Variants in CNIH3 observed in about 807,000 individuals in gnomAD.
CNIH3 encodes cornichon family AMPA receptor auxiliary protein 3.
In CNIH3, 14 loss-of-function variants were observed where a neutral mutation model predicts 24.1. The ratio of observed to expected loss-of-function variants is 0.58; its 90% CI spans 0.38 to 0.91. The LOEUF (loss-of-function observed/expected upper bound fraction) is 0.91. Among genes scored for constraint, CNIH3 ranks in the 40% least tolerant of loss-of-function variants. The pLI, the probability that CNIH3 is intolerant of heterozygous loss-of-function variation, is 0.00. For missense variants in CNIH3, 178 were observed against 196.8 expected, an observed-to-expected ratio of 0.90 and a Z score of 0.57; for synonymous variants, 68 against 73.8, an observed-to-expected ratio of 0.92 and a Z score of 0.40.
At chr1:224,495,147 C>T (rs1166129434) in intron 1 of CNIH3, among the ~76,000 whole-genome samples, 3 of 152,132 alleles carry the variant, frequency 2.0e-5, no homozygotes, top group African/African-American at 7.2e-5. Context: ...TTCCTGAGAC[C>T]CCTACCTGAG....
At chr1:224,647,532 G>C (rs1380302389) in intron 1 of CNIH3, among the ~76,000 whole-genome samples, 1 of 152,222 alleles carries the variant, frequency 6.6e-6, no homozygotes, top group Non-Finnish European at 1.5e-5. Context: ...ACTGGGTTCT[G>C]TGTGGCCAAG....
At chr1:224,599,199 G>A (rs147667070) in intron 3 of CNIH3, among the ~76,000 whole-genome samples, 673 of 152,302 alleles carry the variant, frequency 4.4e-3, no homozygotes, top group Non-Finnish European at 6.7e-3. Context: ...AATGGGCTCA[G>A]CTGGGCACTT....
At chr1:224,500,898 G>C (rs1332994533) in intron 1 of CNIH3, among the ~76,000 whole-genome samples, 1 of 152,076 alleles carries the variant, frequency 6.6e-6, no homozygotes, top group African/African-American at 2.4e-5. Flanking sequence ...TGGAAGAAGG[G>C]GGGCTGGAAC....
intron 1 of CNIH3, among the ~76,000 whole-genome samples, chr1:224,662,292 G>A (rs1464400575): frequency 6.6e-6 from 1 of 152,108 alleles, no homozygotes; most frequent in African/African-American, 2.4e-5. Context: ...TGAGATATTA[G>A]ACAGAGCTAG....
chr1:224,550,810 G>A (rs971588470), intron 3 of CNIH3, among the ~76,000 whole-genome samples: 4 of 151,642 alleles, frequency 2.6e-5, no homozygotes, highest in Admixed American at 6.6e-5. Context: ...CCATTAACTC[G>A]TCATTTAACA....
chr1:224,608,765 C>T (rs1048987317), intron 3 of CNIH3, among the ~76,000 whole-genome samples: 3 of 152,170 alleles, frequency 2.0e-5, no homozygotes, highest in Non-Finnish European at 4.4e-5. Flanking sequence ...TGATGCTTCC[C>T]TTGGGGTGGG....
At chr1:224,585,818 C>T (rs1374026679) in intron 5 of CNIH3, among the ~76,000 whole-genome samples, 1 of 152,096 alleles carries the variant, frequency 6.6e-6, no homozygotes, top group Non-Finnish European at 1.5e-5. Context: ...CCAGTTCCTG[C>T]ACATACACAT....
At chr1:224,536,099 T>A (rs1248188667) in intron 2 of CNIH3, among the ~76,000 whole-genome samples, 1 of 152,016 alleles carries the variant, frequency 6.6e-6, no homozygotes, top group Non-Finnish European at 1.5e-5. Flanking sequence ...GGGATGAGGA[T>A]GGGAAATGTG....
chr1:224,577,506 A>T (rs1350842871), intron 4 of CNIH3, among the ~76,000 whole-genome samples: 1 of 152,220 alleles, frequency 6.6e-6, no homozygotes, highest in East Asian at 1.9e-4. Context: ...TCACAATGTG[A>T]CACCAACTTA....
chr1:224,730,625 C>A, intron 4 of CNIH3, 51 bp downstream of exon 4: 1 of 1,148,166 alleles, frequency 8.7e-7, no homozygotes, highest in Non-Finnish European at 1.3e-6. Flanking sequence ...CCAGGGCAGC[C>A]TGCTCTCCAG....
Position 224,534,115 on chromosome 1 carries a change from T to G in CNIH3, n.344-2821T>G, listed in dbSNP as rs182672902. Among the ~76,000 whole-genome samples the G allele has an allele frequency of 3.1e-4, 47 of 152,320 alleles. 1 individual carries two copies. In the East Asian group the frequency reaches 8.9e-3, roughly 29 times the overall value. ...CGGAGGTTGAGGCTTCAGTGAGCCATGATCATGCCACTGCACTCTAGCCTG... is the reference window on the plus strand; with the variant it reads ...CGGAGGTTGAGGCTTCAGTGAGCCAGGATCATGCCACTGCACTCTAGCCTG... On this transcript the variant is annotated intron_variant and non_coding_transcript_variant, in intron 2 of 2. Transcript: ENST00000470602.
chr1:224,570,580 T>C (rs1680775187), intron 4 of CNIH3, among the ~76,000 whole-genome samples: 1 of 152,274 alleles, frequency 6.6e-6, no homozygotes, highest in African/African-American at 2.4e-5. Flanking sequence ...TTATGTATTT[T>C]GATACTACCT....
At chr1:224,452,541 G>T (rs1279256844) in intron 1 of CNIH3, among the ~76,000 whole-genome samples, 1 of 151,794 alleles carries the variant, frequency 6.6e-6, no homozygotes, top group African/African-American at 2.4e-5. Flanking sequence ...CAGCACTTTG[G>T]GAGGCCAAGG....
At position 224,653,664 on chromosome 1, in the gene CNIH3, C is replaced by T. The variant is rs542227326; in HGVS notation, c.82-27294C>T. 2.5e-4 allele frequency among the ~76,000 whole-genome samples: 38 copies of T among 152,298 alleles called. 1 individual carries two copies. In the South Asian group the frequency reaches 7.7e-3, roughly 31 times the overall value. Reference sequence around the variant, plus strand: ...TAGTATTCACTCTGTGAACTGGTGACGCTGTACAAACTCAATATAAATTCT... The same window carrying T: ...TAGTATTCACTCTGTGAACTGGTGATGCTGTACAAACTCAATATAAATTCT... On this transcript the variant is annotated intron_variant, in intron 1 of 5. Transcript: ENST00000272133.
chr1:224,555,201 C>T (rs1466233589), intron 3 of CNIH3, among the ~76,000 whole-genome samples: 1 of 152,146 alleles, frequency 6.6e-6, no homozygotes, highest in Non-Finnish European at 1.5e-5. Flanking sequence ...AGCCACTTGC[C>T]CCAGGACACA....
intron 1 of CNIH3, among the ~76,000 whole-genome samples, chr1:224,674,529 C>T (rs754405881): frequency 6.0e-4 from 91 of 152,070 alleles, no homozygotes; most frequent in Non-Finnish European, 2.9e-4. Context: ...GGGCAGGCCC[C>T]AGCAGGACTG....
At chr1:224,699,077 G>A (rs16852090) in intron 3 of CNIH3, among the ~76,000 whole-genome samples, 6,194 of 152,232 alleles carry the variant, frequency 0.041, 189 homozygotes, top group East Asian at 0.11. Context: ...TTGAAGACAC[G>A]TTTCCCTACT....
In CNIH3 at chr1:224,641,308, C is replaced by T. The variant is rs567520383; in HGVS notation, c.81+24053C>T. On this transcript the variant is annotated intron_variant, in intron 1 of 5. Coordinates refer to ENST00000272133, the MANE Select transcript of CNIH3 (RefSeq NM_152495.2). ...TCCTCCTTGCCCACCAGTCAATTCC[C>T]GGGGAACAGTGCCTAAGCTTGACAT... 9.2e-5 allele frequency among the ~76,000 whole-genome samples: 14 copies of T among 152,312 alleles called. No homozygotes were observed. The East Asian group carries it at 1.4e-3, about 15-fold the overall frequency.
intron 1 of CNIH3, among the ~76,000 whole-genome samples, chr1:224,449,471 T>C (rs1024862654): frequency 1.3e-5 from 2 of 152,122 alleles, no homozygotes; most frequent in African/African-American, 4.8e-5. Context: ...TTCTCTAATT[T>C]GTTGCCGTCA....
Sources: gnomAD v4.1 joint callset for allele counts (sites outside exome capture counted in the v4.1 genomes callset) on GRCh38, gnomAD v4.1.1 for gene constraint, MANE v1.5 for transcripts, NCBI Gene and HGNC (gene_info 2026-07-23, HGNC 2026-07-21) for gene names.